The following SEMA6D variants were observed in gnomAD, a reference collection of about 807,000 sequenced individuals.
SEMA6D encodes semaphorin 6D, also known as semaphorin-6D.
In SEMA6D, 35 loss-of-function variants were observed where a neutral mutation model predicts 106.6. The observed-to-expected ratio is 0.33, with a 90% CI of 0.25 to 0.44. The LOEUF is 0.44. Among genes scored for constraint, SEMA6D ranks in the 20% least tolerant of loss-of-function variants. The pLI is 1.00. For synonymous variants in SEMA6D, 499 were observed against 487.7 expected (o/e 1.02, Z -0.31); for missense variants, 1,185 against 1,345.9 (o/e 0.88, Z 1.87).
Position 47,370,927 on chromosome 15 carries a change from T to G in SEMA6D, c.-238-41466T>G, listed in dbSNP as rs191819146. Among the ~76,000 whole-genome samples, 51 of 152,200 alleles carry G rather than the reference T, an allele frequency of 3.4e-4. 1 individual carries two copies. The highest frequency in any genetic ancestry group is 6.0e-4 in the Non-Finnish European group (41 of 68,014). ...ATGGTGAGGAAAGACTGGAGGATAA[T>G]GTGGAAAGGAACAAAGGGAATGATG... On this transcript the variant is annotated intron_variant, in intron 1 of 19. Coordinates refer to the SEMA6D transcript ENST00000558014.
chr15:47,666,489 T>C (rs2078029071), intron 4 of SEMA6D, among the ~76,000 whole-genome samples: 1 of 152,190 alleles, frequency 6.6e-6, no homozygotes, highest in Admixed American at 6.5e-5. Flanking sequence ...AGACTGCAAC[T>C]AAGAGAATGC....
At chr15:47,456,917 G>A (rs2042361778) in intron 2 of SEMA6D, among the ~76,000 whole-genome samples, 2 of 151,976 alleles carry the variant, frequency 1.3e-5, no homozygotes, top group African/African-American at 4.8e-5. Context: ...TCCATAATGA[G>A]TGTTCCCAAG....
intron 2 of SEMA6D, 44 bp from the exon 3 acceptor site, chr15:47,760,260 G>A (rs2081988234): frequency 2.9e-6 from 4 of 1,384,184 alleles, no homozygotes; most frequent in Non-Finnish European, 4.1e-6. Context: ...TGATCCCTCA[G>A]CTCCATAATC....
At chr15:47,620,602 T>C (rs1470321717) in intron 4 of SEMA6D, among the ~76,000 whole-genome samples, 1 of 152,140 alleles carries the variant, frequency 6.6e-6, no homozygotes, top group Non-Finnish European at 1.5e-5. Context: ...CCTTACTTCA[T>C]CATCCTGTCA....
At chr15:47,462,911 T>G (rs1310054701) in intron 2 of SEMA6D, among the ~76,000 whole-genome samples, 1 of 152,110 alleles carries the variant, frequency 6.6e-6, no homozygotes, top group African/African-American at 2.4e-5. Flanking sequence ...TGGCTTATAA[T>G]TCATTAGATC....
Position 47,761,310 on chromosome 15 carries a change from G to C in SEMA6D, c.346-20G>C. The C allele has an allele frequency of 3.7e-6, 6 of 1,610,082 alleles. No homozygotes were observed. The highest frequency in any genetic ancestry group is 5.1e-6 in the Non-Finnish European group (6 of 1,177,514). On this transcript the variant is annotated intron_variant, in intron 5 of 18. Coordinates refer to ENST00000536845, the MANE Select transcript of SEMA6D (RefSeq NM_001358351.3). ...GCATGTTCAAATGTCTAATATTAAT[G>C]TAACTACTACTTTCTTTAGGATGAA...
intron 1 of SEMA6D, among the ~76,000 whole-genome samples, chr15:47,341,424 T>TA (rs2144492295): frequency 6.6e-6 from 1 of 152,114 alleles, no homozygotes; most frequent in Non-Finnish European, 1.5e-5. Flanking sequence ...AACATAGAGT[T>TA]AAAAATGAGA....
chr15:47,589,096 C>T (rs960457530), intron 3 of SEMA6D, among the ~76,000 whole-genome samples: 1 of 152,128 alleles, frequency 6.6e-6, no homozygotes, highest in African/African-American at 2.4e-5. Context: ...CTGAGCAGCC[C>T]TCCGCTGTGA....
At chr15:47,765,620 G>C in intron 13 of SEMA6D, 1 of 537,518 alleles carries the variant, frequency 1.9e-6, no homozygotes, top group Non-Finnish European at 2.8e-6. Flanking sequence ...TGTGGCCTTC[G>C]CAAATGCAAT....
At chr15:47,708,676 A>G (rs2078959845) in intron 4 of SEMA6D, among the ~76,000 whole-genome samples, 1 of 152,218 alleles carries the variant, frequency 6.6e-6, no homozygotes, top group Admixed American at 6.5e-5. Flanking sequence ...GGATACCAAG[A>G]CCTAGTTCCC....
intron 2 of SEMA6D, among the ~76,000 whole-genome samples, chr15:47,436,200 G>A (rs556176898): frequency 1.3e-5 from 2 of 152,140 alleles, no homozygotes; most frequent in East Asian, 1.9e-4. Flanking sequence ...GACCAGACTG[G>A]CCAACGTGGT....
chr15:47,381,870 A>G (rs1473410234), intron 1 of SEMA6D, among the ~76,000 whole-genome samples: 2 of 152,162 alleles, frequency 1.3e-5, no homozygotes, highest in African/African-American at 4.8e-5. Flanking sequence ...CCTCTTGTGC[A>G]TAGTTAGAAA....
At chr15:47,461,562 C>T (rs868389185) in intron 2 of SEMA6D, among the ~76,000 whole-genome samples, 1 of 151,828 alleles carries the variant, frequency 6.6e-6, no homozygotes, top group Admixed American at 6.6e-5. Context: ...ACAGTATTTC[C>T]GTCATTAAAA....
rs1045070608 is a variant in SEMA6D, at chr15:47,361,718, A to G, written c.-238-50675A>G. On this transcript the variant is annotated intron_variant, in intron 1 of 19. Coordinates refer to the SEMA6D transcript ENST00000558014. ...GGAGCCCAATCTGCCTCCCTCGCAC[A>G]TGCTCTGGTGGGGGCCCTGTGCCTC... Among the ~76,000 whole-genome samples, 4 of 152,134 alleles carry G rather than the reference A, an allele frequency of 2.6e-5. No individual in the cohort carries two copies. The East Asian group carries it at 7.7e-4, about 29-fold the overall frequency.
intron 1 of SEMA6D, among the ~76,000 whole-genome samples, chr15:47,361,431 C>T (rs556850717): frequency 2.0e-4 from 30 of 152,300 alleles, no homozygotes; most frequent in South Asian, 1.2e-3. Context: ...TATGTTTCAG[C>T]GCTGACAATG....
intron 2 of SEMA6D, among the ~76,000 whole-genome samples, chr15:47,468,723 C>A (rs1283084960): frequency 2.0e-5 from 3 of 152,086 alleles, no homozygotes; most frequent in African/African-American, 7.2e-5. Context: ...CAGAAAAGAT[C>A]AATAAAGCAC....
intron 3 of SEMA6D, among the ~76,000 whole-genome samples, chr15:47,561,496 A>G (rs2046079538): frequency 6.6e-6 from 1 of 152,020 alleles, no homozygotes; most frequent in Non-Finnish European, 1.5e-5. Flanking sequence ...AAGTCATTCA[A>G]GCTGAAAGGA....
chr15:47,303,048 A>T (rs1374564288), intron 1 of SEMA6D, among the ~76,000 whole-genome samples: 1 of 152,236 alleles, frequency 6.6e-6, no homozygotes, highest in Admixed American at 6.5e-5. Flanking sequence ...GTTTCAGGGC[A>T]GACTGAAGAT....
At chr15:47,299,517 G>T (rs2142982668) in intron 1 of SEMA6D, among the ~76,000 whole-genome samples, 1 of 152,348 alleles carries the variant, frequency 6.6e-6, no homozygotes, top group Non-Finnish European at 1.5e-5. Context: ...AACAACAGTT[G>T]TTTCAGCAGG....
Sources: gnomAD v4.1 joint callset for allele counts (sites outside exome capture counted in the v4.1 genomes callset) on GRCh38, gnomAD v4.1.1 for gene constraint, MANE v1.5 for transcripts, NCBI Gene and HGNC (gene_info 2026-07-23, HGNC 2026-07-21) for gene names.